CST5: variants seen among roughly 807,000 people sequenced by gnomAD.
CST5 encodes the protein cystatin-D.
In CST5, 13 loss-of-function variants were observed where a neutral mutation model predicts 11.5. The observed-to-expected ratio is 1.13, with a 90% CI of 0.73 to 1.79. The LOEUF is 1.79. Ranked by LOEUF, CST5 falls within the 40% of genes most tolerant of loss-of-function variation. CST5 has a pLI of 0.00. For synonymous variants in CST5, 81 were observed against 67.6 expected, an observed-to-expected ratio of 1.20 and a Z score of -0.97; for missense variants, 219 against 174.5, an observed-to-expected ratio of 1.25 and a Z score of -1.44.
chr20:23,878,918 T>C (rs1257726542), intron 1 of CST5, among the ~76,000 whole-genome samples: 3 of 152,146 alleles, frequency 2.0e-5, no homozygotes, highest in African/African-American at 7.2e-5. Context: ...AGAGGCAGGG[T>C]CAGGCATGCT....
intron 1 of CST5, among the ~76,000 whole-genome samples, chr20:23,879,023 G>T (rs116649063): frequency 6.6e-6 from 1 of 152,232 alleles, no homozygotes. Context: ...GTGCCCAGGG[G>T]CGTGACTTGG....
chr20:23,878,605 C>A (rs971749162), intron 1 of CST5, among the ~76,000 whole-genome samples: 2 of 152,200 alleles, frequency 1.3e-5, no homozygotes, highest in Non-Finnish European at 2.9e-5. Context: ...AGAGGGAGTG[C>A]AGGCCAGCAG....
At chr20:23,877,355 A>G (rs1985984694) in intron 2 of CST5, 150 bp downstream of exon 2, 1 of 621,718 alleles carries the variant, frequency 1.6e-6, no homozygotes, top group Non-Finnish European at 2.9e-6. Flanking sequence ...ACATCCTTGC[A>G]TACGTGGCCC....
At chr20:23,878,064 G>T (rs751194427) in intron 1 of CST5, among the ~76,000 whole-genome samples, 16 of 152,134 alleles carry the variant, frequency 1.1e-4, no homozygotes, top group Non-Finnish European at 2.1e-4. Flanking sequence ...GTGCTCAGGG[G>T]GCAGGGACAC....
chr20:23,877,714 G>T (rs1403341318), intron 1 of CST5, 96 bp from the exon 2 acceptor site: 4 of 999,888 alleles, frequency 4.0e-6, no homozygotes, highest in Non-Finnish European at 4.5e-6. Flanking sequence ...GGCTTGCCTG[G>T]GGCTTCATGC....
intron 2 of CST5, 77 bp from the exon 3 acceptor site, chr20:23,876,348 A>G: frequency 8.4e-7 from 1 of 1,184,088 alleles, no homozygotes; most frequent in Non-Finnish European, 1.2e-6. Flanking sequence ...GGGACATCAG[A>G]ATGGGGGTGA....
At chr20:23,877,468 C>A (rs201092886) in intron 2 of CST5, 37 bp downstream of exon 2, 1 of 1,487,984 alleles carries the variant, frequency 6.7e-7, no homozygotes, top group South Asian at 1.1e-5. Flanking sequence ...CACTGCTCTG[C>A]GGTACTTGAT....
chr20:23,876,464 G>C (rs8115304), intron 2 of CST5, among the ~76,000 whole-genome samples, 193 bp from the exon 3 acceptor site: 1 of 152,104 alleles, frequency 6.6e-6, no homozygotes, highest in Non-Finnish European at 1.5e-5. Context: ...CCCTCCCAAG[G>C]CTCCAAGTCA....
chr20:23,876,988 A>G (rs2122209613), intron 2 of CST5, among the ~76,000 whole-genome samples: 1 of 152,228 alleles, frequency 6.6e-6, no homozygotes, highest in South Asian at 2.1e-4. Context: ...CCCAGTAACC[A>G]TTACCAAGCT....
chr20:23,876,198 C>G lies in CST5; in HGVS notation c.419G>C (p.Arg140Pro), dbSNP rs146272783. 1 of 1,613,198 alleles carries G rather than the reference C, an allele frequency of 6.2e-7. No homozygotes were observed. Among genetic ancestry groups the G allele is most frequent in the African/African-American group, 1.3e-5 (1 of 74,888 alleles). ...GCCTTGCACAGACCCCTAGACTTTC[C>G]GGCACTTGTAGTTCAGAATGGAAAT... is the stretch of plus-strand genomic sequence containing the variant. ...DKISILNYKC[R>P]KV The change falls in exon 3 of 3, where the codon CGG becomes CCG. Residue 140 changes from arginine (R) to proline (P), a missense_variant. By Grantham distance (103) the Arg-to-Pro change is moderately radical (BLOSUM62 -2). Coordinates refer to ENST00000304710, the MANE Select transcript of CST5 (RefSeq NM_001900.5).
rs764360778 is a variant in CST5, at chr20:23,879,504, A to C, written c.173T>G (p.Val58Gly). 4 of 1,613,792 alleles carry C rather than the reference A, an allele frequency of 2.5e-6. No homozygotes were observed. The highest frequency in any genetic ancestry group is 2.5e-6 in the Non-Finnish European group (3 of 1,179,932). ...GCTGTAGTACTCATCCTTATTAATG[A>C]CCTTGTTGTACTCGCTGATGGCAAA... ...LDFAISEYNK[V>G]INKDEYYSRP... The change falls in exon 1 of 3, where the codon GTC becomes GGC. Residue 58 changes from valine to glycine, a missense_variant. Val to Gly is a moderately radical substitution (Grantham distance 109, BLOSUM62 -3). Coordinates refer to ENST00000304710, the MANE Select transcript of CST5 (RefSeq NM_001900.5).
chr20:23,879,012 T>C lies in CST5; in HGVS notation c.231+434A>G, dbSNP rs1401544294. Among the ~76,000 whole-genome samples, 4 of 152,324 alleles carry C rather than the reference T, an allele frequency of 2.6e-5. No individual in the cohort carries two copies. The East Asian group carries it at 7.7e-4, about 29-fold the overall frequency. ...GTGAAGGCCACTAGCCATAACGGGCTGTGCCCAGGGGCGTGACTTGGGAGG... is the reference window on the plus strand; with the variant it reads ...GTGAAGGCCACTAGCCATAACGGGCCGTGCCCAGGGGCGTGACTTGGGAGG... On this transcript the variant is annotated intron_variant, in intron 1 of 2. Coordinates refer to ENST00000304710, the MANE Select transcript of CST5 (RefSeq NM_001900.5).
rs569938827 is a variant in CST5, at chr20:23,879,478, G to T, written c.199C>A (p.Arg67Ser). The stretch of plus-strand genomic sequence containing the variant: ...TAGGCAGCCATCACCTGCAGAGGGC[G>T]GCTGTAGTACTCATCCTTATTAATG... Reference protein sequence around the residue: ...KVINKDEYYSRPLQVMAAYQQ... With the variant: ...KVINKDEYYSSPLQVMAAYQQ... The change falls in exon 1 of 3, where the codon CGC (arginine) becomes AGC (serine). Residue 67 changes from arginine (R) to serine (S), a missense_variant. Physicochemically the swap from Arg to Ser is moderately radical, Grantham distance 110. Transcript: ENST00000304710. 4 of 1,613,966 alleles carry T rather than the reference G, an allele frequency of 2.5e-6. No individual in the cohort carries two copies. Among genetic ancestry groups the T allele is most frequent in the Non-Finnish European group, 3.4e-6 (4 of 1,179,954 alleles).
rs1350373650 is a variant in CST5, at chr20:23,879,650, CAGT to C, written c.24_26del (p.Leu12del). The stretch of plus-strand genomic sequence containing the variant: ...CCACCATCAAGGCAGTCAGCAGCAG[CAGT>C]GGGGTGTGCATGGGCCACATCATGT... On this transcript the variant is annotated inframe_deletion, in exon 1 of 3. Coordinates refer to ENST00000304710, the MANE Select transcript of CST5 (RefSeq NM_001900.5). 6.2e-7 allele frequency: 1 copy of C among 1,613,876 alleles called. No homozygotes were observed. Among genetic ancestry groups the C allele is most frequent in the Non-Finnish European group, 8.5e-7 (1 of 1,179,930 alleles).
rs184942577 is a variant in CST5, at chr20:23,878,482, C to T, written c.232-864G>A. Among the ~76,000 whole-genome samples the T allele has an allele frequency of 2.0e-5, 3 of 152,278 alleles. No homozygotes were observed. The East Asian group carries it at 5.8e-4, about 29-fold the overall frequency. On this transcript the variant is annotated intron_variant, in intron 1 of 2. Transcript: ENST00000304710. Reference sequence around the variant, plus strand: ...GAACCACACACAAGTCCTGTAGAACCACATGGAAGTCCTGTGATCCCTCCG... The same window carrying T: ...GAACCACACACAAGTCCTGTAGAACTACATGGAAGTCCTGTGATCCCTCCG...
chr20:23,877,774 C>T (rs912802474), intron 1 of CST5, among the ~76,000 whole-genome samples, 156 bp from the exon 2 acceptor site: 1 of 152,232 alleles, frequency 6.6e-6, no homozygotes. Context: ...TGCTGGCTGG[C>T]AGTGGTAGTG....
intron 2 of CST5, among the ~76,000 whole-genome samples, chr20:23,877,181 C>T (rs890873149): frequency 1.3e-5 from 2 of 152,036 alleles, no homozygotes; most frequent in South Asian, 2.1e-4. Flanking sequence ...CTCATGTATG[C>T]ACACATATGC....
rs756888210 is a variant in CST5, at chr20:23,876,171, A to T, written c.*17T>A. 9 of 1,600,478 alleles carry T rather than the reference A, an allele frequency of 5.6e-6. No individual in the cohort carries two copies. The Admixed American group carries it at 1.3e-4, about 24-fold the overall frequency. ...GGGAGTAGGAGGTGGTCAGTGTGACAGGCCTTGCACAGACCCCTAGACTTT... is the reference window on the plus strand; with the variant it reads ...GGGAGTAGGAGGTGGTCAGTGTGACTGGCCTTGCACAGACCCCTAGACTTT... On this transcript the variant is annotated 3_prime_UTR_variant, in exon 3 of 3. Coordinates refer to ENST00000304710, the MANE Select transcript of CST5 (RefSeq NM_001900.5).
chr20:23,877,512 A>G lies in CST5; in HGVS notation c.338T>C (p.Leu113Pro), dbSNP rs368805196. The change falls in exon 2 of 3, where the codon CTG (leucine) becomes CCG (proline). Residue 113 changes from leucine to proline, a missense_variant. Coordinates refer to ENST00000304710, the MANE Select transcript of CST5 (RefSeq NM_001900.5). ...CCCACATCAGGCACATACCTCTTTC[A>G]GTTTTGGCTGGTCATTGAAGGGACA... Reference protein sequence around the residue: ...DNCPFNDQPKLKEEEFCSFQI... With the variant: ...DNCPFNDQPKPKEEEFCSFQI... 41 of 1,613,778 alleles carry G rather than the reference A, an allele frequency of 2.5e-5. No individual in the cohort carries two copies. The highest frequency in any genetic ancestry group is 2.1e-4 in the South Asian group (19 of 91,060).
Sources: allele counts gnomAD v4.1 joint callset (sites outside exome capture counted in the v4.1 genomes callset), GRCh38; gene constraint gnomAD v4.1.1; transcripts MANE v1.5; gene names NCBI Gene and HGNC (gene_info 2026-07-23, HGNC 2026-07-21).